GABRG3: variants seen among roughly 807,000 people sequenced by gnomAD.
The protein encoded by GABRG3 is gamma-aminobutyric acid type A receptor subunit gamma3.
A neutral mutation model predicts 48.8 loss-of-function variants in GABRG3; 25 were observed. The observed-to-expected ratio is 0.51, with a 90% CI of 0.37 to 0.72. GABRG3 has a LOEUF of 0.72. Ranked by LOEUF, GABRG3 falls within the 30% of genes least tolerant of loss-of-function variation. The pLI is 0.00. For missense variants in GABRG3, 394 were observed against 577.9 expected (o/e 0.68, Z 3.26); for synonymous variants, 227 against 217.6 (o/e 1.04, Z -0.38).
At chr15:27,252,569 A>G (rs1366894042) in intron 3 of GABRG3, among the ~76,000 whole-genome samples, 6 of 152,144 alleles carry the variant, frequency 3.9e-5, no homozygotes, top group Non-Finnish European at 7.3e-5. Context: ...TCCTCTGAGG[A>G]ATTTCTACAG....
chr15:27,316,706 G>A (rs1430322026), intron 3 of GABRG3, among the ~76,000 whole-genome samples: 2 of 152,202 alleles, frequency 1.3e-5, no homozygotes, highest in East Asian at 1.9e-4. Flanking sequence ...GGTGGATGGA[G>A]TTTCCAGCAT....
At chr15:27,442,556 A>G (rs7173368) in intron 5 of GABRG3, among the ~76,000 whole-genome samples, 1 of 152,138 alleles carries the variant, frequency 6.6e-6, no homozygotes, top group Admixed American at 6.5e-5. Flanking sequence ...CAGGCTTCTC[A>G]TCAAGCCACC....
At chr15:27,528,508 A>G (rs1336986720) in intron 9 of GABRG3, among the ~76,000 whole-genome samples, 1 of 152,156 alleles carries the variant, frequency 6.6e-6, no homozygotes, top group Non-Finnish European at 1.5e-5. Flanking sequence ...TATACCTGTG[A>G]CTATTTATTT....
intron 3 of GABRG3, among the ~76,000 whole-genome samples, chr15:27,256,363 C>T (rs1245751754): frequency 6.6e-6 from 1 of 151,574 alleles, no homozygotes; most frequent in East Asian, 1.9e-4. Flanking sequence ...ATGGCGTGAA[C>T]CCGGGAGGCA....
At chr15:27,528,640 G>C (rs941631487) in intron 9 of GABRG3, among the ~76,000 whole-genome samples, 1 of 152,184 alleles carries the variant, frequency 6.6e-6, no homozygotes, top group South Asian at 2.1e-4. Flanking sequence ...CCTGCATTCA[G>C]TTTGGTAGTC....
chr15:27,246,913 C>T (rs1054016943), intron 3 of GABRG3, among the ~76,000 whole-genome samples: 6 of 152,116 alleles, frequency 3.9e-5, no homozygotes, highest in African/African-American at 1.4e-4. Flanking sequence ...TTGATGATTG[C>T]GTGTGTTGCA....
At chr15:27,150,292 G>A (rs1293493540) in intron 3 of GABRG3, among the ~76,000 whole-genome samples, 1 of 152,178 alleles carries the variant, frequency 6.6e-6, no homozygotes, top group African/African-American at 2.4e-5. Context: ...GAGTGGGAGT[G>A]GCAAATGGGT....
intron 3 of GABRG3, among the ~76,000 whole-genome samples, chr15:27,167,477 G>A (rs1309753537): frequency 6.6e-6 from 1 of 152,188 alleles, no homozygotes; most frequent in Non-Finnish European, 1.5e-5. Flanking sequence ...GTCTGCTTCA[G>A]CACTGCCTGC....
chr15:27,470,575 T>A (rs1000495735), intron 5 of GABRG3, among the ~76,000 whole-genome samples: 2 of 152,004 alleles, frequency 1.3e-5, no homozygotes, highest in African/African-American at 4.8e-5. Context: ...TCTTCCTTTG[T>A]TAACTGTTTA....
intron 3 of GABRG3, among the ~76,000 whole-genome samples, chr15:27,267,168 G>A (rs536775885): frequency 2.5e-4 from 37 of 147,820 alleles, no homozygotes; most frequent in Admixed American, 2.2e-3. Flanking sequence ...GTGCAATGGC[G>A]TGATCTTGGC....
chr15:27,382,654 G>A (rs1016190937), intron 5 of GABRG3, among the ~76,000 whole-genome samples: 1 of 152,204 alleles, frequency 6.6e-6, no homozygotes, highest in African/African-American at 2.4e-5. Flanking sequence ...ACCAACAGAA[G>A]GAAGAGATGA....
At chr15:27,467,761 C>T (rs1249797744) in intron 5 of GABRG3, among the ~76,000 whole-genome samples, 1 of 152,166 alleles carries the variant, frequency 6.6e-6, no homozygotes, top group African/African-American at 2.4e-5. Flanking sequence ...TGAAAGAGTA[C>T]TTTAAAGTAA....
intron 3 of GABRG3, among the ~76,000 whole-genome samples, chr15:27,135,956 A>T (rs530843497): frequency 6.6e-6 from 1 of 152,278 alleles, no homozygotes; most frequent in East Asian, 1.9e-4. Flanking sequence ...AAAAAGAGAG[A>T]GATAAGGGAG....
At chr15:27,081,043 G>A (rs1378383715) in intron 3 of GABRG3, among the ~76,000 whole-genome samples, 2 of 152,154 alleles carry the variant, frequency 1.3e-5, no homozygotes, top group African/African-American at 4.8e-5. Context: ...GGTGGCTGAG[G>A]GCACACAGCT....
chr15:27,526,396 G>A (rs1396483154), intron 7 of GABRG3, among the ~76,000 whole-genome samples: 5 of 152,170 alleles, frequency 3.3e-5, no homozygotes, highest in African/African-American at 1.2e-4. Context: ...ATATTTTACT[G>A]TAGTCCCATT....
At chr15:26,983,121 A>G (rs1895083681) in intron 2 of GABRG3, among the ~76,000 whole-genome samples, 1 of 151,862 alleles carries the variant, frequency 6.6e-6, no homozygotes, top group Non-Finnish European at 1.5e-5. Context: ...AACTTCCTAT[A>G]AACATCTGAA....
intron 3 of GABRG3, among the ~76,000 whole-genome samples, chr15:27,306,462 A>G (rs1365029322): frequency 7.1e-6 from 1 of 140,856 alleles, no homozygotes; most frequent in East Asian, 2.2e-4. Flanking sequence ...ATATAAACAT[A>G]AACATGTCTA....
Position 26,976,923 on chromosome 15 carries a change from A to G in GABRG3, c.54-79A>G. 1 of 1,467,246 alleles carries G rather than the reference A, an allele frequency of 6.8e-7. No homozygotes were observed. The highest frequency in any genetic ancestry group is 1.2e-5 in the South Asian group (1 of 85,590). 90.9% of individuals were successfully genotyped at this position (1,467,246 alleles called of 1,614,324 possible). ...GGGGACTTTCTACCCATTTCATGGT[A>G]CTTGGATAGGACAAACTTAGGCTCT... is the stretch of plus-strand genomic sequence containing the variant. On this transcript the variant is annotated intron_variant, in intron 1 of 9. Coordinates refer to ENST00000615808, the MANE Select transcript of GABRG3 (RefSeq NM_033223.5). This position sits in a 1 kb window ranked among gnomAD's most constrained non-coding sequence, Gnocchi z 7.8.
At chr15:27,085,056 A>C (rs1028975821) in intron 3 of GABRG3, among the ~76,000 whole-genome samples, 2 of 152,240 alleles carry the variant, frequency 1.3e-5, no homozygotes, top group African/African-American at 2.4e-5. Flanking sequence ...CTTCAGGCTT[A>C]TTCGATACTC....
Sources: gnomAD v4.1 joint callset for allele counts (sites outside exome capture counted in the v4.1 genomes callset) on GRCh38, gnomAD v4.1.1 for gene constraint, Gnocchi (gnomAD v3.1) non-coding constraint, MANE v1.5 for transcripts, NCBI Gene and HGNC (gene_info 2026-07-23, HGNC 2026-07-21) for gene names.